Variants in ALK observed in about 807,000 individuals in gnomAD.
The protein encoded by ALK is ALK tyrosine kinase receptor.
ALK carries 74 observed loss-of-function variants against 163.1 expected under a neutral mutation model. That is an observed-to-expected ratio of 0.45 (90% CI 0.38 to 0.55). ALK has a LOEUF of 0.55. ALK is among the 20% of genes least tolerant of loss of function. ALK has a pLI of 0.00. For synonymous variants in ALK, 960 were observed against 843.2 expected, an observed-to-expected ratio of 1.14 and a Z score of -2.40; for missense variants, 2,063 against 2,105.3, an observed-to-expected ratio of 0.98 and a Z score of 0.39.
At chr2:29,800,186 C>T (rs2148363623) in intron 1 of ALK, among the ~76,000 whole-genome samples, 1 of 152,314 alleles carries the variant, frequency 6.6e-6, no homozygotes, top group Middle Eastern at 3.4e-3. Flanking sequence ...TGAGAGGAGG[C>T]TGAAGAGTGA....
At chr2:29,249,151 G>C (rs1049311911) in intron 12 of ALK, among the ~76,000 whole-genome samples, 1 of 152,170 alleles carries the variant, frequency 6.6e-6, no homozygotes, top group African/African-American at 2.4e-5. Flanking sequence ...ACTGTCTCGG[G>C]GGAACACAGC....
intron 9 of ALK, 102 bp downstream of exon 9, chr2:29,296,786 T>C: frequency 1.4e-6 from 2 of 1,423,292 alleles, no homozygotes; most frequent in East Asian, 2.3e-5. Flanking sequence ...CACATCTGCA[T>C]GTGTGTCTTG....
At chr2:29,247,684 C>T (rs1664717486) in intron 12 of ALK, among the ~76,000 whole-genome samples, 1 of 152,170 alleles carries the variant, frequency 6.6e-6, no homozygotes, top group Non-Finnish European at 1.5e-5. Flanking sequence ...AGGCCCCAGG[C>T]AATGGTGGCC....
chr2:29,792,460 C>T (rs1664211592), intron 1 of ALK, among the ~76,000 whole-genome samples: 1 of 152,160 alleles, frequency 6.6e-6, no homozygotes, highest in South Asian at 2.1e-4. Flanking sequence ...AAATCATCTA[C>T]CACAATAAAA....
chr2:29,282,582 G>A (rs1489219053), intron 9 of ALK, among the ~76,000 whole-genome samples: 1 of 152,148 alleles, frequency 6.6e-6, no homozygotes, highest in Non-Finnish European at 1.5e-5. Flanking sequence ...CCCACTCTTA[G>A]AAGTAATTTA....
intron 1 of ALK, among the ~76,000 whole-genome samples, chr2:29,816,111 G>A (rs1252024059): frequency 6.6e-6 from 1 of 152,184 alleles, no homozygotes; most frequent in Non-Finnish European, 1.5e-5. Flanking sequence ...TGTGATTACT[G>A]TAGGCTATTC....
intron 1 of ALK, among the ~76,000 whole-genome samples, chr2:29,825,784 A>C (rs748720266): frequency 5.3e-5 from 8 of 152,166 alleles, no homozygotes; most frequent in Admixed American, 5.2e-4. Flanking sequence ...AGGCCAGTGC[A>C]GTGGTCCAGG....
At chr2:29,332,843 C>T (rs1667485383) in intron 5 of ALK, among the ~76,000 whole-genome samples, 1 of 152,200 alleles carries the variant, frequency 6.6e-6, no homozygotes, top group African/African-American at 2.4e-5. Context: ...TTTGCCTGCA[C>T]TGCAGATTAT....
Position 29,903,986 on chromosome 2 carries a change from T to G in ALK, c.667+16007A>C, listed in dbSNP as rs6733306. 5.9e-3 allele frequency among the ~76,000 whole-genome samples: 902 copies of G among 152,300 alleles called. 12 individuals are homozygous for G. The highest frequency in any genetic ancestry group is 0.021 in the African/African-American group (860 of 41,574). ...TATTTGATATTACAGAAACAAAGACTCAGGAAGTTTAGGTGATTTGCCCAG... is the reference window on the plus strand; with the variant it reads ...TATTTGATATTACAGAAACAAAGACGCAGGAAGTTTAGGTGATTTGCCCAG... On this transcript the variant is annotated intron_variant, in intron 1 of 28. Transcript: ENST00000389048.
chr2:29,909,506 G>GAGAGAA (rs1667643495), intron 1 of ALK, among the ~76,000 whole-genome samples: 1 of 151,384 alleles, frequency 6.6e-6, no homozygotes, highest in Admixed American at 6.6e-5. Flanking sequence ...GAGAGAGAGA[G>GAGAGAA]AGAGAGAGAG....
intron 1 of ALK, 68 bp downstream of exon 1, chr2:29,919,925 T>C: frequency 6.4e-7 from 1 of 1,566,904 alleles, no homozygotes; most frequent in Non-Finnish European, 8.7e-7. Flanking sequence ...GTGAAGATTA[T>C]TTAATGGTTG....
At chr2:29,575,018 G>A (rs566751255) in intron 3 of ALK, among the ~76,000 whole-genome samples, 13 of 152,162 alleles carry the variant, frequency 8.5e-5, no homozygotes, top group Non-Finnish European at 1.9e-4. Context: ...TGCAAACACA[G>A]CCCCGTTTCC....
chr2:29,305,904 C>G (rs1017336785), intron 8 of ALK, among the ~76,000 whole-genome samples: 3 of 152,222 alleles, frequency 2.0e-5, no homozygotes, highest in African/African-American at 7.2e-5. Context: ...CAGATCAGTG[C>G]AATAGGGCTC....
intron 5 of ALK, among the ~76,000 whole-genome samples, chr2:29,343,278 G>A (rs1667853639): frequency 6.7e-6 from 1 of 148,218 alleles, no homozygotes; most frequent in African/African-American, 2.5e-5. Flanking sequence ...GCACGATCAT[G>A]GCTCACAGCA....
intron 4 of ALK, among the ~76,000 whole-genome samples, chr2:29,453,109 T>C (rs749699118): frequency 8.5e-5 from 13 of 152,242 alleles, no homozygotes; most frequent in Non-Finnish European, 1.8e-4. Context: ...CAATGTTGAT[T>C]TTCTGTTTTC....
chr2:29,786,754 T>C (rs772196316), intron 1 of ALK, among the ~76,000 whole-genome samples: 1 of 152,212 alleles, frequency 6.6e-6, no homozygotes, highest in Non-Finnish European at 1.5e-5. Context: ...ACAAATGTTC[T>C]GAGGATTTCC....
Position 29,687,534 on chromosome 2 carries a change from TA to T in ALK, c.952+7315del, listed in dbSNP as rs967901751. Among the ~76,000 whole-genome samples, 92 of 150,616 alleles carry T rather than the reference TA, an allele frequency of 6.1e-4. 1 individual carries two copies. The highest frequency in any genetic ancestry group is 9.7e-4 in the East Asian group (5 of 5,170). On this transcript the variant is annotated intron_variant, in intron 3 of 28. Transcript: ENST00000389048. ...ATGATAATTTTTTATTCCTTTGTATTAAAAAAAAAGGATAGCATGTTTTATC... is the reference window on the plus strand; with the variant it reads ...ATGATAATTTTTTATTCCTTTGTATTAAAAAAAAGGATAGCATGTTTTATC...
chr2:29,215,031 C>A (rs1257068666), intron 23 of ALK, among the ~76,000 whole-genome samples: 4 of 152,202 alleles, frequency 2.6e-5, no homozygotes, highest in Non-Finnish European at 1.5e-5. Flanking sequence ...TCACATACCT[C>A]CCCAAGAAAG....
chr2:29,369,746 G>A (rs998617613), intron 5 of ALK, among the ~76,000 whole-genome samples: 67 of 152,220 alleles, frequency 4.4e-4, no homozygotes, highest in African/African-American at 1.5e-3. Flanking sequence ...GCTGAGGCTG[G>A]GGAGATGCAG....
Sources: allele counts gnomAD v4.1 joint callset (sites outside exome capture counted in the v4.1 genomes callset), GRCh38; gene constraint gnomAD v4.1.1; transcripts MANE v1.5; gene names NCBI Gene and HGNC (gene_info 2026-07-23, HGNC 2026-07-21).